The following ZNF578 variants were observed in gnomAD, a reference collection of about 807,000 sequenced individuals.
ZNF578 encodes Putative chemokine-related protein B42.
In ZNF578, 8 loss-of-function variants were observed where a neutral mutation model predicts 8.3. The observed-to-expected ratio is 0.96, with a 90% CI of 0.56 to 1.74. The LOEUF (loss-of-function observed/expected upper bound fraction) is 1.74, where lower values mean the gene tolerates loss of function less well. Ranked by LOEUF, ZNF578 falls within the 40% of genes most tolerant of loss-of-function variation. ZNF578 has a pLI of 0.00. For synonymous variants in ZNF578, 206 were observed against 232.2 expected, an observed-to-expected ratio of 0.89 and a Z score of 1.03; for missense variants, 726 against 707.5, an observed-to-expected ratio of 1.03 and a Z score of -0.30.
At chr19:52,477,409 G>C (rs1395592524) in intron 2 of ZNF578, among the ~76,000 whole-genome samples, 1 of 152,104 alleles carries the variant, frequency 6.6e-6, no homozygotes, top group Non-Finnish European at 1.5e-5. Flanking sequence ...GTACGATTCT[G>C]ATGAAATTTT....
At chr19:52,503,152 G>A (rs10418371) in intron 4 of ZNF578, among the ~76,000 whole-genome samples, 28,968 of 152,056 alleles carry the variant, frequency 0.19, 2,977 homozygotes, top group Non-Finnish European at 0.23. Flanking sequence ...GGACTCCCCA[G>A]GTGCTGGGAT....
chr19:52,505,961 G>C (rs1225691409), intron 5 of ZNF578, among the ~76,000 whole-genome samples: 1 of 150,788 alleles, frequency 6.6e-6, no homozygotes, highest in Non-Finnish European at 1.5e-5. Context: ...GCAGTGGCTT[G>C]ATCTTGGCTC....
rs994357994 is a variant in ZNF578 at position 52,516,743 on chromosome 19, C to G, written c.*4589C>G. Among the ~76,000 whole-genome samples, 3 of 152,130 alleles carry G rather than the reference C, an allele frequency of 2.0e-5. No homozygotes were observed. The highest frequency in any genetic ancestry group is 4.4e-5 in the Non-Finnish European group (3 of 68,030). ...CTTGGTGAGATCCACCCCCTGCCTGCAAAGCATTGCCCCTAACTCCACCGC... is the reference window on the plus strand; with the variant it reads ...CTTGGTGAGATCCACCCCCTGCCTGGAAAGCATTGCCCCTAACTCCACCGC... On this transcript the variant is annotated 3_prime_UTR_variant, in exon 6 of 6. Coordinates refer to ENST00000421239, the MANE Select transcript of ZNF578 (RefSeq NM_001099694.2).
intron 5 of ZNF578, among the ~76,000 whole-genome samples, chr19:52,509,650 C>G (rs2059437469): frequency 6.6e-6 from 1 of 152,002 alleles, no homozygotes; most frequent in Non-Finnish European, 1.5e-5. Flanking sequence ...GCCTGTAATC[C>G]CAGGTACTTA....
rs572540385 is a variant in ZNF578, at chr19:52,501,746, G to A, written c.-19-81G>A. 9.7e-6 allele frequency: 14 copies of A among 1,448,004 alleles called. 1 individual carries two copies. In the South Asian group the frequency reaches 1.0e-4, roughly 11 times the overall value. The allele number at this position is 1,448,004 out of a possible 1,614,324, so 89.7% of individuals were successfully genotyped here. On this transcript the variant is annotated intron_variant, in intron 3 of 5. Coordinates refer to ENST00000421239, the MANE Select transcript of ZNF578 (RefSeq NM_001099694.2). Reference sequence around the variant, plus strand: ...GGGGGGCTTCTTTGTACAGGGTGATGTCTCCCCGTTCCTGTGTTTTTATCA... The same window carrying A: ...GGGGGGCTTCTTTGTACAGGGTGATATCTCCCCGTTCCTGTGTTTTTATCA...
chr19:52,506,529 G>A (rs910573018), intron 5 of ZNF578, among the ~76,000 whole-genome samples: 4 of 146,780 alleles, frequency 2.7e-5, no homozygotes, highest in African/African-American at 5.1e-5. Flanking sequence ...GTGCAGTGGT[G>A]CAATTTCAGC....
At chr19:52,480,682 G>A (rs1365029869) in intron 2 of ZNF578, among the ~76,000 whole-genome samples, 1 of 151,632 alleles carries the variant, frequency 6.6e-6, no homozygotes, top group Non-Finnish European at 1.5e-5. Flanking sequence ...TGGATCACAA[G>A]GTCAGGAGTT....
chr19:52,512,026 A>G lies in ZNF578; in HGVS notation c.1645A>G (p.Met549Val). Residue 549 changes from methionine (M) to valine (V), a missense_variant, in exon 6 of 6, where the codon ATG becomes GTG. By Grantham distance (21) the Met-to-Val change is conservative. Transcript: ENST00000421239. ...YKCKVCDKAFMCHSYLANHTR... is the reference protein window; with the variant it reads ...YKCKVCDKAFVCHSYLANHTR... ...ATGTAAGGTTTGTGACAAGGCTTTC[A>G]TGTGCCATTCTTATCTGGCAAACCA... The G allele has an allele frequency of 6.2e-7, 1 of 1,614,104 alleles. No homozygotes were observed. Among genetic ancestry groups the G allele is most frequent in the Non-Finnish European group, 8.5e-7 (1 of 1,180,026 alleles).
At chr19:52,486,991 A>AG (rs1364237759) in intron 2 of ZNF578, among the ~76,000 whole-genome samples, 1 of 151,608 alleles carries the variant, frequency 6.6e-6, no homozygotes, top group Non-Finnish European at 1.5e-5. Context: ...TAGAGAGAGA[A>AG]GGGGAGAATG....
chr19:52,486,465 C>G (rs137929572), intron 2 of ZNF578, among the ~76,000 whole-genome samples: 2 of 152,072 alleles, frequency 1.3e-5, no homozygotes, highest in East Asian at 1.9e-4. Flanking sequence ...AAACAAAACA[C>G]AGAAAAAAGT....
At chr19:52,470,431 C>T (rs2059288516) in intron 2 of ZNF578, among the ~76,000 whole-genome samples, 1 of 152,086 alleles carries the variant, frequency 6.6e-6, no homozygotes. Flanking sequence ...GTATGGGTGC[C>T]AAGTTGATGA....
At chr19:52,486,883 G>A (rs772548489) in intron 2 of ZNF578, among the ~76,000 whole-genome samples, 18 of 152,062 alleles carry the variant, frequency 1.2e-4, no homozygotes, top group Admixed American at 2.6e-4. Flanking sequence ...AGGTGGAAGA[G>A]AAGGAATAGA....
At chr19:52,505,840 A>G (rs751196200) in intron 5 of ZNF578, among the ~76,000 whole-genome samples, 2 of 151,716 alleles carry the variant, frequency 1.3e-5, no homozygotes, top group African/African-American at 2.4e-5. Flanking sequence ...TGAGGTTTCC[A>G]TGGTTTAGTT....
chr19:52,499,722 A>G (rs934474322), intron 3 of ZNF578, among the ~76,000 whole-genome samples: 1 of 127,054 alleles, frequency 7.9e-6, no homozygotes. Flanking sequence ...TTTCACTCTT[A>G]TGGCTGAGGC....
chr19:52,499,971 T>A (rs1362657598), intron 3 of ZNF578, among the ~76,000 whole-genome samples: 1 of 152,118 alleles, frequency 6.6e-6, no homozygotes, highest in Non-Finnish European at 1.5e-5. Context: ...ACGGGCCGCT[T>A]TCCTTTTCCT....
Position 52,512,000 on chromosome 19 carries a change from A to T in ZNF578, c.1619A>T (p.Lys540Ile), listed in dbSNP as rs753524966. 2 of 1,613,934 alleles carry T rather than the reference A, an allele frequency of 1.2e-6. No individual in the cohort carries two copies. The highest frequency in any genetic ancestry group is 1.3e-5 in the African/African-American group (1 of 74,908). Residue 540 changes from lysine (K) to isoleucine (I), a missense_variant, in exon 6 of 6, where the codon AAA becomes ATA. By Grantham distance (102) the Lys-to-Ile change is moderately radical. Coordinates refer to ENST00000421239, the MANE Select transcript of ZNF578 (RefSeq NM_001099694.2). ...HRLHTGEKPY[K>I]CKVCDKAFMC... ...CTTCATACTGGAGAGAAACCTTACA[A>T]ATGTAAGGTTTGTGACAAGGCTTTC...
intron 2 of ZNF578, among the ~76,000 whole-genome samples, chr19:52,485,229 C>G (rs2059340761): frequency 6.6e-6 from 1 of 152,178 alleles, no homozygotes; most frequent in African/African-American, 2.4e-5. Context: ...GTCATCCACT[C>G]TGGATCCTAG....
intron 2 of ZNF578, among the ~76,000 whole-genome samples, chr19:52,477,428 C>T (rs564201700): frequency 6.6e-6 from 1 of 152,190 alleles, no homozygotes; most frequent in South Asian, 2.1e-4. Flanking sequence ...TTGAGTGGCA[C>T]TGATTAGCCC....
intron 3 of ZNF578, among the ~76,000 whole-genome samples, chr19:52,496,434 A>G (rs1197474836): frequency 2.8e-5 from 4 of 143,242 alleles, no homozygotes; most frequent in Admixed American, 1.4e-4. Context: ...GGTTCACGCC[A>G]TTCTCCTGCC....
Sources: gnomAD v4.1 joint callset for allele counts (sites outside exome capture counted in the v4.1 genomes callset) on GRCh38, gnomAD v4.1.1 for gene constraint, MANE v1.5 for transcripts, NCBI Gene and HGNC (gene_info 2026-07-23, HGNC 2026-07-21) for gene names.